CPNE8: variants seen among roughly 807,000 people sequenced by gnomAD.
The protein encoded by CPNE8 is copine-8.
A neutral mutation model predicts 81.5 loss-of-function variants in CPNE8; 45 were observed. The ratio of observed to expected loss-of-function variants is 0.55; its 90% CI spans 0.44 to 0.71. The LOEUF is 0.71. Ranked by LOEUF, CPNE8 falls within the 30% of genes least tolerant of loss-of-function variation. CPNE8 has a pLI of 0.00. For synonymous variants in CPNE8, 252 were observed against 226.3 expected (o/e 1.11, Z -1.02); for missense variants, 594 against 672.1 (o/e 0.88, Z 1.28).
intron 1 of CPNE8, among the ~76,000 whole-genome samples, chr12:38,898,232 C>T (rs978202277): frequency 2.6e-5 from 4 of 152,000 alleles, no homozygotes; most frequent in African/African-American, 9.7e-5. Flanking sequence ...TTTTAAAACC[C>T]CTCAGGCCCC....
At chr12:38,886,147 C>G (rs1266447694) in intron 1 of CPNE8, among the ~76,000 whole-genome samples, 1 of 152,176 alleles carries the variant, frequency 6.6e-6, no homozygotes, top group Non-Finnish European at 1.5e-5. Flanking sequence ...CTTTTCCCCA[C>G]TTCAGTACAA....
At chr12:38,741,375 C>T (rs1941100509) in intron 10 of CPNE8, among the ~76,000 whole-genome samples, 1 of 152,094 alleles carries the variant, frequency 6.6e-6, no homozygotes, top group South Asian at 2.1e-4. Flanking sequence ...AGAATTAATA[C>T]CACACATCTA....
intron 3 of CPNE8, among the ~76,000 whole-genome samples, chr12:38,864,847 A>G (rs10876185): frequency 0.14 from 20,560 of 152,180 alleles, 2,230 homozygotes; most frequent in African/African-American, 0.3. Flanking sequence ...ATTATAAAGG[A>G]TCATATCGCT....
At chr12:38,785,677 C>T (rs1019259770) in intron 6 of CPNE8, among the ~76,000 whole-genome samples, 2 of 152,136 alleles carry the variant, frequency 1.3e-5, no homozygotes, top group Non-Finnish European at 2.9e-5. Context: ...TTATAATTTA[C>T]TCAAGCTCAG....
intron 19 of CPNE8, among the ~76,000 whole-genome samples, chr12:38,666,169 T>C (rs1939052979): frequency 6.6e-6 from 1 of 152,192 alleles, no homozygotes; most frequent in East Asian, 1.9e-4. Flanking sequence ...AATCACTACT[T>C]GAACTCAAAT....
intron 10 of CPNE8, among the ~76,000 whole-genome samples, chr12:38,742,430 C>CA (rs1316317654): frequency 1.3e-5 from 2 of 150,596 alleles, no homozygotes; most frequent in Admixed American, 6.7e-5. Context: ...ATCGTAAGGA[C>CA]AAAAAACCAA....
intron 6 of CPNE8, among the ~76,000 whole-genome samples, chr12:38,828,647 A>C (rs1943237550): frequency 6.6e-6 from 1 of 152,214 alleles, no homozygotes; most frequent in Non-Finnish European, 1.5e-5. Context: ...TAAAGACTTC[A>C]AAATTCCCTA....
intron 3 of CPNE8, among the ~76,000 whole-genome samples, chr12:38,871,561 A>G (rs1260932570): frequency 6.6e-6 from 1 of 152,216 alleles, no homozygotes; most frequent in Non-Finnish European, 1.5e-5. Flanking sequence ...ATACTAAGGT[A>G]GGAGAATTGT....
chr12:38,676,115 A>T (rs1194753657), intron 17 of CPNE8: 81 of 153,688 alleles, frequency 5.3e-4, no homozygotes, highest in Middle Eastern at 3.3e-3. Flanking sequence ...GAGCCTGTCT[A>T]AAAAAAAAAA....
At chr12:38,816,166 T>C (rs929723152) in intron 6 of CPNE8, among the ~76,000 whole-genome samples, 12 of 152,228 alleles carry the variant, frequency 7.9e-5, no homozygotes, top group African/African-American at 2.6e-4. Context: ...AATTCCTAAG[T>C]CTTGGGAAAC....
At chr12:38,700,492 TA>T (rs1189241730) in intron 14 of CPNE8, among the ~76,000 whole-genome samples, 1 of 152,074 alleles carries the variant, frequency 6.6e-6, no homozygotes, top group Non-Finnish European at 1.5e-5. Flanking sequence ...CCCAAACTGC[TA>T]GGAATACAGG....
At chr12:38,801,064 C>T (rs1165426023) in intron 6 of CPNE8, among the ~76,000 whole-genome samples, 1 of 145,888 alleles carries the variant, frequency 6.9e-6, no homozygotes, top group Non-Finnish European at 1.5e-5. Flanking sequence ...GAGAATGGAA[C>T]CAAGTTGGAA....
intron 6 of CPNE8, among the ~76,000 whole-genome samples, chr12:38,817,614 CTTTTTTT>C (rs869168296): frequency 5.2e-4 from 47 of 90,614 alleles, no homozygotes; most frequent in African/African-American, 1.5e-3. Flanking sequence ...TTAATTTATT[CTTTTTTT>C]TTTTTTTTTT....
intron 13 of CPNE8, among the ~76,000 whole-genome samples, chr12:38,712,200 A>G (rs1940275999): frequency 6.7e-6 from 1 of 148,818 alleles, no homozygotes; most frequent in South Asian, 2.1e-4. Context: ...CAATGCAATG[A>G]TGCCATTTTT....
intron 5 of CPNE8, among the ~76,000 whole-genome samples, chr12:38,832,243 T>TA (rs1168747665): frequency 1.3e-5 from 2 of 152,168 alleles, no homozygotes; most frequent in African/African-American, 4.8e-5. Flanking sequence ...ATTTCATACC[T>TA]ACAAGAAGCA....
intron 1 of CPNE8, among the ~76,000 whole-genome samples, chr12:38,880,710 G>A (rs1944140398): frequency 6.6e-6 from 1 of 151,912 alleles, no homozygotes; most frequent in African/African-American, 2.4e-5. Flanking sequence ...AACTTTTTTT[G>A]AGCAACTGAA....
intron 13 of CPNE8, among the ~76,000 whole-genome samples, chr12:38,716,298 C>G (rs1294964861): frequency 6.6e-6 from 1 of 151,886 alleles, no homozygotes; most frequent in Non-Finnish European, 1.5e-5. Context: ...TAAACACTAT[C>G]CTAAAAATCA....
At chr12:38,874,353 G>A (rs1055652886) in intron 2 of CPNE8, 118 bp downstream of exon 2, 1 of 725,880 alleles carries the variant, frequency 1.4e-6, no homozygotes, top group African/African-American at 1.8e-5. Flanking sequence ...GTAGGGCTTG[G>A]GACCATTCTC....
chr12:38,673,990 A>T (rs1939234949), intron 18 of CPNE8, among the ~76,000 whole-genome samples: 1 of 151,134 alleles, frequency 6.6e-6, no homozygotes. Context: ...AAGTTCTCAA[A>T]TTCTGCATTG....
Sources: gnomAD v4.1 joint callset for allele counts (sites outside exome capture counted in the v4.1 genomes callset) on GRCh38, gnomAD v4.1.1 for gene constraint, MANE v1.5 for transcripts, NCBI Gene and HGNC (gene_info 2026-07-23, HGNC 2026-07-21) for gene names.